The following PADI2 variants were observed in gnomAD, a reference collection of about 807,000 sequenced individuals.
The protein encoded by PADI2 is protein-arginine deiminase type-2.
In PADI2, 70 loss-of-function variants were observed where a neutral mutation model predicts 81.1. The ratio of observed to expected loss-of-function variants is 0.86; its 90% CI spans 0.71 to 1.05. PADI2 has a LOEUF of 1.05. PADI2 is among the 50% of genes least tolerant of loss of function. The pLI is 0.00. For synonymous variants in PADI2, 338 were observed against 358.0 expected, an observed-to-expected ratio of 0.94 and a Z score of 0.63; for missense variants, 853 against 889.9, an observed-to-expected ratio of 0.96 and a Z score of 0.53.
At chr1:17,113,181 A>G (rs1931644964) in intron 1 of PADI2, among the ~76,000 whole-genome samples, 2 of 152,154 alleles carry the variant, frequency 1.3e-5, no homozygotes, top group African/African-American at 4.8e-5. Flanking sequence ...GAGGAGAGGG[A>G]TCAGGTCTCA....
At chr1:17,116,554 G>C (rs1258454317) in intron 1 of PADI2, among the ~76,000 whole-genome samples, 1 of 152,152 alleles carries the variant, frequency 6.6e-6, no homozygotes, top group African/African-American at 2.4e-5. Flanking sequence ...GGGACAGTGG[G>C]CTCGTGGCCA....
At chr1:17,076,571 C>CT (rs1312792251) in intron 11 of PADI2, among the ~76,000 whole-genome samples, 63 of 152,048 alleles carry the variant, frequency 4.1e-4, no homozygotes, top group Non-Finnish European at 7.1e-4. Context: ...TTCCTCATTT[C>CT]TTTTTTTGTG....
intron 10 of PADI2, among the ~76,000 whole-genome samples, chr1:17,081,911 G>C (rs1037854821): frequency 6.6e-6 from 1 of 152,160 alleles, no homozygotes; most frequent in Non-Finnish European, 1.5e-5. Context: ...TCAGGAGTTC[G>C]AGACCAGCCT....
chr1:17,095,948 T>A lies in PADI2; in HGVS notation c.372A>T (p.Ala124=). The change falls in exon 4 of 16, where the codon GCA becomes GCT. Residue 124 remains alanine (A), a synonymous_variant. Transcript: ENST00000375486. The part of the protein sequence containing the change: ...TAIEISLDVD[A]DRDGVVEKNN... ...TCTTCTCCACCACACCATCCCGGTC[T>A]GCGTCCACATCCAGGGAGATCTCTG... 1.2e-6 allele frequency: 2 copies of A among 1,608,016 alleles called. No homozygotes were observed. Among genetic ancestry groups the A allele is most frequent in the Non-Finnish European group, 1.7e-6 (2 of 1,177,208 alleles).
intron 13 of PADI2, among the ~76,000 whole-genome samples, chr1:17,073,530 G>A (rs1327185507): frequency 1.3e-5 from 2 of 151,970 alleles, no homozygotes; most frequent in Non-Finnish European, 2.9e-5. Context: ...AATAACAAAT[G>A]TGTTAGATTA....
intron 1 of PADI2, among the ~76,000 whole-genome samples, chr1:17,117,118 C>G (rs988972564): frequency 6.6e-6 from 1 of 152,116 alleles, no homozygotes; most frequent in Non-Finnish European, 1.5e-5. Flanking sequence ...TGCAATAGTG[C>G]GAGATTGAGA....
Position 17,071,467 on chromosome 1 carries a change from C to G in PADI2, c.1574G>C (p.Arg525Pro), listed in dbSNP as rs777635340. Residue 525 changes from arginine (R) to proline (P), a missense_variant, in exon 14 of 16, where the codon CGA becomes CCA. By Grantham distance (103) the Arg-to-Pro change is moderately radical. Coordinates refer to ENST00000375486, the MANE Select transcript of PADI2 (RefSeq NM_007365.3). ...FKGLGGMSSKRITINKILSNE... is the reference protein window; with the variant it reads ...FKGLGGMSSKPITINKILSNE... ...GGACAGAATCTTGTTGATGGTGATT[C>G]GCTTGCTGCTCATCCCACCCAAGCC... 2 of 1,614,068 alleles carry G rather than the reference C, an allele frequency of 1.2e-6. No homozygotes were observed. Among genetic ancestry groups the G allele is most frequent in the Admixed American group, 3.3e-5 (2 of 60,024 alleles).
chr1:17,089,609 T>C (rs959109298), intron 6 of PADI2, among the ~76,000 whole-genome samples: 11 of 152,134 alleles, frequency 7.2e-5, no homozygotes, highest in Admixed American at 5.2e-4. Context: ...TGATTCACAA[T>C]GCACCTCTAT....
intron 3 of PADI2, among the ~76,000 whole-genome samples, chr1:17,099,279 G>A (rs1187065876): frequency 6.6e-6 from 1 of 152,150 alleles, no homozygotes; most frequent in Admixed American, 6.5e-5. Flanking sequence ...CCAGCCTCTG[G>A]GGAGAAGGCA....
At chr1:17,072,215 T>C (rs745836713) in intron 13 of PADI2, among the ~76,000 whole-genome samples, 7 of 152,190 alleles carry the variant, frequency 4.6e-5, no homozygotes, top group Non-Finnish European at 1.0e-4. Flanking sequence ...TCTTAACCTA[T>C]TATTTGTTTA....
At chr1:17,078,006 T>C (rs535642702) in intron 11 of PADI2, among the ~76,000 whole-genome samples, 7 of 152,334 alleles carry the variant, frequency 4.6e-5, no homozygotes, top group African/African-American at 1.7e-4. Flanking sequence ...CTTTTAAGTA[T>C]GGTAGCCCTG....
At chr1:17,114,128 T>C (rs1317001916) in intron 1 of PADI2, among the ~76,000 whole-genome samples, 1 of 152,254 alleles carries the variant, frequency 6.6e-6, no homozygotes, top group African/African-American at 2.4e-5. Context: ...CCCACCGTCA[T>C]TCTCTCAGGA....
At chr1:17,104,814 T>A in intron 2 of PADI2, 64 bp downstream of exon 2, 1 of 1,391,178 alleles carries the variant, frequency 7.2e-7, no homozygotes, top group Non-Finnish European at 9.7e-7. Context: ...ACAGGGCTGG[T>A]CCACCCTGCC....
intron 1 of PADI2, among the ~76,000 whole-genome samples, chr1:17,107,081 G>A (rs1056561709): frequency 5.9e-5 from 9 of 152,188 alleles, no homozygotes; most frequent in Non-Finnish European, 8.8e-5. Flanking sequence ...AGGGCTGGCG[G>A]CTTTGCTAAA....
In PADI2 at chr1:17,119,315, G is replaced by C. The variant is rs1051435557; in HGVS notation, c.57C>G (p.Tyr19Ter). The part of the protein sequence containing the change: ...LQYGSRVEAV[Y>*]VLGTYLWTDV... ...CGGTCCAGAGGTAGGTGCCCAGCAC[G>C]TACACCGCCTCCACGCGGCTCCCGT... Residue 19 changes from tyrosine (Y) to a stop codon, truncating the protein, a stop_gained, in exon 1 of 16, where the codon TAC becomes TAG. Transcript: ENST00000375486. LOFTEE classifies it high-confidence loss of function. The surrounding 1 kb of genome is among the most constrained non-coding windows in gnomAD (Gnocchi z 4.8). The C allele has an allele frequency of 1.0e-5, 16 of 1,561,294 alleles. No individual in the cohort carries two copies. Among genetic ancestry groups the C allele is most frequent in the African/African-American group, 1.4e-5 (1 of 72,478 alleles).
intron 3 of PADI2, among the ~76,000 whole-genome samples, chr1:17,102,558 C>T (rs549781684): frequency 1.6e-4 from 25 of 152,294 alleles, no homozygotes; most frequent in Non-Finnish European, 3.2e-4. Flanking sequence ...TCTGCACCCT[C>T]GGGGCTGAAT....
chr1:17,113,840 C>T (rs1931668158), intron 1 of PADI2, among the ~76,000 whole-genome samples: 1 of 152,336 alleles, frequency 6.6e-6, no homozygotes, highest in South Asian at 2.1e-4. Context: ...CTCCAAAGTG[C>T]AGCAGGTATG....
chr1:17,092,325 G>T, intron 6 of PADI2, 83 bp downstream of exon 6: 1 of 1,187,232 alleles, frequency 8.4e-7, no homozygotes, highest in Non-Finnish European at 1.2e-6. Flanking sequence ...CCAGGCACCT[G>T]CACCTGTGAA....
intron 9 of PADI2, 167 bp from the exon 10 acceptor site, chr1:17,082,819 G>A (rs1457737652): frequency 7.0e-6 from 4 of 568,606 alleles, no homozygotes; most frequent in Non-Finnish European, 1.2e-5. Context: ...GGCAGCACAG[G>A]TGTCCATAGG....
Sources: allele counts gnomAD v4.1 joint callset (sites outside exome capture counted in the v4.1 genomes callset), GRCh38; gene constraint gnomAD v4.1.1; non-coding constraint Gnocchi (gnomAD v3.1); transcripts MANE v1.5; gene names NCBI Gene and HGNC (gene_info 2026-07-23, HGNC 2026-07-21).